The following ANKDD1A variants were observed in gnomAD, a reference collection of about 807,000 sequenced individuals.
ANKDD1A encodes the protein ankyrin repeat and death domain-containing protein 1A.
Under a neutral mutation model 63.5 loss-of-function variants are expected in ANKDD1A, and 59 were observed. The ratio of observed to expected loss-of-function variants is 0.93; its 90% CI spans 0.75 to 1.15. ANKDD1A has a LOEUF of 1.15. Among genes scored for constraint, ANKDD1A ranks in the 50% most tolerant of loss-of-function variants. ANKDD1A has a pLI of 0.00. For missense variants in ANKDD1A, 632 were observed against 656.4 expected (o/e 0.96, Z 0.41); for synonymous variants, 266 against 263.9 (o/e 1.01, Z -0.08).
intron 2 of ANKDD1A, 103 bp downstream of exon 2, chr15:64,916,003 C>G: frequency 8.9e-7 from 1 of 1,119,508 alleles, no homozygotes; most frequent in East Asian, 2.7e-5. Context: ...GGCACATTTG[C>G]ATGTGTAAAC....
chr15:64,954,453 CTTCCCTCTTCTCCTT>C lies in ANKDD1A; in HGVS notation c.1484-2649_1484-2635del. On this transcript the variant is annotated intron_variant, in intron 14 of 14. Coordinates refer to ENST00000319580, the MANE Select transcript of ANKDD1A (RefSeq NM_182703.6). The stretch of plus-strand genomic sequence containing the variant: ...CGTTCGTCGTCTTCTCCTTCTTCTT[CTTCCCTCTTCTCCTT>C]CTTCCTCTTTTTCTTCTTCCTTCTC... Among the ~76,000 whole-genome samples, 4 of 133,062 alleles carry C rather than the reference CTTCCCTCTTCTCCTT, an allele frequency of 3.0e-5. No individual in the cohort carries two copies. In the East Asian group the frequency reaches 8.2e-4, roughly 27 times the overall value. The allele number at this position is 133,062 out of a possible 152,430, so 87.3% of individuals were successfully genotyped here.
chr15:64,934,792 C>T (rs2085116005), intron 9 of ANKDD1A, among the ~76,000 whole-genome samples: 2 of 151,218 alleles, frequency 1.3e-5, no homozygotes, highest in South Asian at 2.1e-4. Context: ...GCTGGGATTA[C>T]AGGCATGAGT....
intron 13 of ANKDD1A, among the ~76,000 whole-genome samples, chr15:64,947,912 A>T (rs2140382664): frequency 6.6e-6 from 1 of 152,346 alleles, no homozygotes; most frequent in South Asian, 2.1e-4. Context: ...CAACATCTAT[A>T]TGGAAATTTT....
intron 14 of ANKDD1A, among the ~76,000 whole-genome samples, chr15:64,953,464 TTCTTC>T (rs2085340842): frequency 8.5e-5 from 1 of 11,810 alleles, no homozygotes; most frequent in East Asian, 0.062. Flanking sequence ...TCTCTCCTTC[TTCTTC>T]TTCCTCTTCC....
intron 14 of ANKDD1A, among the ~76,000 whole-genome samples, chr15:64,953,524 C>T (rs1297641145): frequency 1.5e-5 from 1 of 67,104 alleles, no homozygotes; most frequent in Non-Finnish European, 3.9e-5. Context: ...TCTCCTTCTT[C>T]CTTCTTCTCC....
chr15:64,912,190 AG>A (rs775776821), intron 1 of ANKDD1A, among the ~76,000 whole-genome samples: 46 of 152,300 alleles, frequency 3.0e-4, no homozygotes, highest in Non-Finnish European at 5.0e-4. Context: ...AGCGGGGAGC[AG>A]CGGCTGAGAG....
chr15:64,953,465 T>G (rs1225390391), intron 14 of ANKDD1A, among the ~76,000 whole-genome samples: 2 of 90,878 alleles, frequency 2.2e-5, no homozygotes, highest in African/African-American at 4.1e-5. Context: ...CTCTCCTTCT[T>G]CTTCTTCCTC....
At chr15:64,937,725 C>G (rs572269393) in intron 9 of ANKDD1A, among the ~76,000 whole-genome samples, 1 of 151,160 alleles carries the variant, frequency 6.6e-6, no homozygotes, top group African/African-American at 2.4e-5. Context: ...GACTCTGTCT[C>G]AAAAAAATAA....
intron 14 of ANKDD1A, chr15:64,950,846 A>G: frequency 9.1e-7 from 1 of 1,099,408 alleles, no homozygotes; most frequent in Non-Finnish European, 1.1e-6. Context: ...TCTTAAATAT[A>G]GTTGTTACAT....
In ANKDD1A at chr15:64,957,201, G is replaced by C. The variant is rs1374002418; in HGVS notation, c.*13G>C. On this transcript the variant is annotated 3_prime_UTR_variant, in exon 15 of 15. Transcript: ENST00000319580. Reference sequence around the variant, plus strand: ...GCCTCCCGAGTAGCTGGGATTACAGGTGCATGCCATCACAGCTGGCTAATT... The same window carrying C: ...GCCTCCCGAGTAGCTGGGATTACAGCTGCATGCCATCACAGCTGGCTAATT... 2 of 363,522 alleles carry C rather than the reference G, an allele frequency of 5.5e-6. No individual in the cohort carries two copies. The highest frequency in any genetic ancestry group is 1.1e-5 in the Non-Finnish European group (2 of 184,582). The allele number at this position is 363,522 out of a possible 1,614,324, so 22.5% of individuals were successfully genotyped here.
At position 64,953,164 on chromosome 15, in the gene ANKDD1A, CCTTCTTTT is replaced by C. The variant is rs1191863377; in HGVS notation, c.1483+3201_1483+3208del. 1.5e-4 allele frequency among the ~76,000 whole-genome samples: 15 copies of C among 102,188 alleles called. No individual in the cohort carries two copies. The East Asian group carries it at 2.0e-3, about 13-fold the overall frequency. 67.0% of individuals were successfully genotyped at this position (102,188 alleles called of 152,430 possible). A position where few individuals can be genotyped will look rare whatever the true frequency, so the allele number is the denominator to read the frequency against. On this transcript the variant is annotated intron_variant, in intron 14 of 14. Coordinates refer to ENST00000319580, the MANE Select transcript of ANKDD1A (RefSeq NM_182703.6). ...TCTTCCTTTTTCTCCTTTCTTCTTT[CCTTCTTTT>C]CTTCTTTTTCTTCTTCCTCTTCTTA... is the stretch of plus-strand genomic sequence containing the variant.
At position 64,951,386 on chromosome 15, in the gene ANKDD1A, T is replaced by TCC. The variant is rs2085272002; in HGVS notation, c.1483+1414_1483+1415insCC. 31 of 337,580 alleles carry TCC rather than the reference T, an allele frequency of 9.2e-5. 1 individual carries two copies. The South Asian group carries it at 1.6e-3, about 18-fold the overall frequency. The allele number at this position is 337,580 out of a possible 1,614,324, so 20.9% of individuals were successfully genotyped here. On this transcript the variant is annotated intron_variant, in intron 14 of 14. Transcript: ENST00000319580. ...TTCCTCTTTCTTCTTTCTTTTTCTT[T>TCC]TCTTCTTCCTCTTTTTTCTTTTTTC...
At position 64,951,705 on chromosome 15, in the gene ANKDD1A, TA is replaced by T. The variant is rs2085283432; in HGVS notation, c.1483+1734del. On this transcript the variant is annotated intron_variant, in intron 14 of 14. Transcript: ENST00000319580. ...CTTTCTTCTTCCTCTTCTTCTTCCT[TA>T]TTTTCTTTTTCTTCCCTTTTCTTCT... Among the ~76,000 whole-genome samples, 81 of 126,720 alleles carry T rather than the reference TA, an allele frequency of 6.4e-4. 1 individual carries two copies. Among genetic ancestry groups the T allele is most frequent in the African/African-American group, 2.2e-3 (77 of 35,122 alleles). The allele number at this position is 126,720 out of a possible 152,430, so 83.1% of individuals were successfully genotyped here.
At chr15:64,915,965 G>C in intron 2 of ANKDD1A, 65 bp downstream of exon 2, 2 of 1,485,168 alleles carry the variant, frequency 1.3e-6, no homozygotes, top group South Asian at 1.2e-5. Context: ...CAGTACACAG[G>C]GGGAATAGTT....
intron 14 of ANKDD1A, among the ~76,000 whole-genome samples, chr15:64,955,547 G>C (rs1474717340): frequency 6.6e-6 from 1 of 152,158 alleles, no homozygotes; most frequent in Non-Finnish European, 1.5e-5. Context: ...GGGAATTGTG[G>C]CTCTGGAAGC....
At chr15:64,950,737 C>T in intron 14 of ANKDD1A, 2 of 699,262 alleles carry the variant, frequency 2.9e-6, no homozygotes, top group Non-Finnish European at 3.3e-6. Context: ...CCGCCCCCCC[C>T]CCCCCCCCCC....
At chr15:64,922,130 G>C in intron 4 of ANKDD1A, 111 bp downstream of exon 4, 1 of 837,346 alleles carries the variant, frequency 1.2e-6, no homozygotes, top group African/African-American at 2.0e-5. Context: ...CCCCCAACCT[G>C]CCTCTGCCTG....
intron 14 of ANKDD1A, among the ~76,000 whole-genome samples, chr15:64,953,920 CTT>C (rs1184123042): frequency 3.0e-4 from 11 of 36,490 alleles, no homozygotes; most frequent in Admixed American, 4.7e-4. Context: ...TCTTTCTTCT[CTT>C]TTTCTTTTTT....
chr15:64,951,296 C>CTTA, intron 14 of ANKDD1A: 1 of 823,918 alleles, frequency 1.2e-6, no homozygotes, highest in African/African-American at 4.7e-5. Flanking sequence ...TTTTCTTCTT[C>CTTA]TTCTTCTTCT....
Sources: gnomAD v4.1 joint callset for allele counts (sites outside exome capture counted in the v4.1 genomes callset) on GRCh38, gnomAD v4.1.1 for gene constraint, MANE v1.5 for transcripts, NCBI Gene and HGNC (gene_info 2026-07-23, HGNC 2026-07-21) for gene names.